Variants in PCDHGB3 observed in about 807,000 individuals in gnomAD.
PCDHGB3 encodes the protein protocadherin gamma-B3.
A neutral mutation model predicts 59.2 loss-of-function variants in PCDHGB3; 40 were observed. That is an observed-to-expected ratio of 0.68 (90% CI 0.52 to 0.88). The LOEUF is 0.88. Among genes scored for constraint, PCDHGB3 ranks in the 40% least tolerant of loss-of-function variants. The probability of loss-of-function intolerance (pLI) is 0.00; values close to 1 mark genes in which losing one functional copy is unlikely to be tolerated. For missense variants in PCDHGB3, 1,309 were observed against 1,187.9 expected, an observed-to-expected ratio of 1.10 and a Z score of -1.50; for synonymous variants, 581 against 503.6, an observed-to-expected ratio of 1.15 and a Z score of -2.06.
rs773471969 is a variant in PCDHGB3, at chr5:141,422,101, A to G, written c.2415+49292A>G. 11 of 1,610,046 alleles carry G rather than the reference A, an allele frequency of 6.8e-6. No individual in the cohort carries two copies. The highest frequency in any genetic ancestry group is 4.5e-5 in the East Asian group (2 of 44,870). ...GAACATGGAAAGCAAGGCTTCTGAA[A>G]TATTCCAATTGGATTCACAAACTGG... On this transcript the variant is annotated intron_variant, in intron 1 of 3. Coordinates refer to ENST00000576222, the MANE Select transcript of PCDHGB3 (RefSeq NM_018924.5).
chr5:141,494,845 C>G lies in PCDHGB3; in HGVS notation c.2454C>G (p.Ala818=), dbSNP rs747484430. The part of the protein sequence containing the change: ...PPNTDWRFSQ[A]QRPGTSGSQN... Reference sequence around the variant, plus strand: ...ACACGGACTGGCGTTTCTCTCAGGCCCAGAGACCCGGCACCAGCGGGTAGG... The same window carrying G: ...ACACGGACTGGCGTTTCTCTCAGGCGCAGAGACCCGGCACCAGCGGGTAGG... The change falls in exon 2 of 4, where the codon GCC becomes GCG. Residue 818 remains alanine, a synonymous_variant. Transcript: ENST00000576222. 1.2e-6 allele frequency: 2 copies of G among 1,614,144 alleles called. No individual in the cohort carries two copies. The highest frequency in any genetic ancestry group is 1.7e-6 in the Non-Finnish European group (2 of 1,180,028).
intron 1 of PCDHGB3, chr5:141,389,851 CCA>C (rs2091943018): frequency 6.2e-7 from 1 of 1,613,936 alleles, no homozygotes; most frequent in Non-Finnish European, 8.5e-7. Context: ...TCGGCCACTG[CCA>C]CGTTGCACCT....
At position 141,408,728 on chromosome 5, in the gene PCDHGB3, C is replaced by T. The variant is rs371316574; in HGVS notation, c.2415+35919C>T. ...TAAAGATTATAAGATAAACTCTAAT[C>T]CTTATTTTTCATTAATGGTTAGAGT... On this transcript the variant is annotated intron_variant, in intron 1 of 3. Transcript: ENST00000576222. 6.2e-7 allele frequency: 1 copy of T among 1,610,292 alleles called. No homozygotes were observed. Among genetic ancestry groups the T allele is most frequent in the African/African-American group, 1.3e-5 (1 of 74,802 alleles).
At chr5:141,454,796 ATTTTTTTTTTTT>A (rs61612330) in intron 1 of PCDHGB3, among the ~76,000 whole-genome samples, 76 of 77,462 alleles carry the variant, frequency 9.8e-4, no homozygotes, top group African/African-American at 3.9e-3. Flanking sequence ...CATGGTTCTA[ATTTTTTTTTTTT>A]TTTTTTTTTT....
chr5:141,421,395 G>A (rs2096569109), intron 1 of PCDHGB3: 1 of 1,613,950 alleles, frequency 6.2e-7, no homozygotes, highest in Admixed American at 1.7e-5. Flanking sequence ...TGGGGCTGGA[G>A]CCCCGGGAGC....
chr5:141,376,302 T>G, intron 1 of PCDHGB3: 2 of 1,614,166 alleles, frequency 1.2e-6, no homozygotes, highest in Non-Finnish European at 1.7e-6. Context: ...GGCTCGCACT[T>G]TGTGGGCGTG....
At chr5:141,433,358 C>CCTAA (rs1554125965) in intron 1 of PCDHGB3, 1 of 503,368 alleles carries the variant, frequency 2.0e-6, no homozygotes, top group Non-Finnish European at 3.5e-6. Flanking sequence ...CTACTGTCTG[C>CCTAA]CTATCTATCT....
chr5:141,413,699 A>T (rs2095668539), intron 1 of PCDHGB3: 2 of 1,613,762 alleles, frequency 1.2e-6, no homozygotes, highest in East Asian at 4.5e-5. Context: ...CAGAGCTATC[A>T]GCTCAGCCCC....
chr5:141,399,658 T>G (rs766038311), intron 1 of PCDHGB3: 22 of 1,613,572 alleles, frequency 1.4e-5, no homozygotes, highest in South Asian at 4.4e-5. Flanking sequence ...TGGGGTGGTG[T>G]TCGCGCAGCG....
intron 1 of PCDHGB3, among the ~76,000 whole-genome samples, chr5:141,452,578 C>T (rs2098744735): frequency 6.6e-6 from 1 of 152,150 alleles, no homozygotes; most frequent in African/African-American, 2.4e-5. Flanking sequence ...TCCCCCTTTC[C>T]ATCTTTGTAT....
At chr5:141,414,363 T>C in intron 1 of PCDHGB3, 3 of 1,613,910 alleles carry the variant, frequency 1.9e-6, no homozygotes, top group Non-Finnish European at 1.7e-6. Context: ...ATCTACCATT[T>C]AAATTAGAAA....
intron 1 of PCDHGB3, among the ~76,000 whole-genome samples, chr5:141,446,802 G>T (rs2098516342): frequency 6.6e-6 from 1 of 152,130 alleles, no homozygotes; most frequent in South Asian, 2.1e-4. Flanking sequence ...CTTCCATTGT[G>T]ATCATCTAGT....
In PCDHGB3 at chr5:141,485,848, C is replaced by T; in HGVS notation, c.2416-8959C>T. On this transcript the variant is annotated intron_variant, in intron 1 of 3. Coordinates refer to ENST00000576222, the MANE Select transcript of PCDHGB3 (RefSeq NM_018924.5). This position sits in a 1 kb window ranked among gnomAD's most constrained non-coding sequence, Gnocchi z 5.7. ...GAGGGAACCCGCCGAGATCTGGCAC[C>T]GCAGAGCTCCGGGTATCCGTGCTGG... The T allele has an allele frequency of 1.2e-6, 2 of 1,614,194 alleles. No homozygotes were observed. Among genetic ancestry groups the T allele is most frequent in the South Asian group, 2.2e-5 (2 of 91,080 alleles).
At position 141,502,665 on chromosome 5, in the gene PCDHGB3, A is replaced by G. The variant is rs192555506; in HGVS notation, c.2475-2728A>G. The stretch of plus-strand genomic sequence containing the variant: ...GAGATAGGCAGCAACCCTTCATGCA[A>G]TTTTAGTATTCCCTGATGATCCTTG... On this transcript the variant is annotated intron_variant, in intron 2 of 3. Transcript: ENST00000576222. 3.7e-3 allele frequency among the ~76,000 whole-genome samples: 568 copies of G among 152,330 alleles called. 1 individual carries two copies. Among genetic ancestry groups the G allele is most frequent in the African/African-American group, 0.013 (544 of 41,584 alleles).
At chr5:141,426,779 T>G in intron 1 of PCDHGB3, 6 of 456,698 alleles carry the variant, frequency 1.3e-5, no homozygotes, top group Non-Finnish European at 1.8e-5. Context: ...GGCCTCACTC[T>G]CTCCAGAGTT....
chr5:141,505,287 TG>T, intron 2 of PCDHGB3, 105 bp from the exon 3 acceptor site: 1 of 1,550,864 alleles, frequency 6.4e-7, no homozygotes, highest in Middle Eastern at 2.1e-4. Context: ...GTCTTGGGCA[TG>T]GGGTAGGGTT....
At position 141,491,700 on chromosome 5, in the gene PCDHGB3, G is replaced by A. The variant is rs1199177466; in HGVS notation, c.2416-3107G>A. 3.1e-6 allele frequency: 5 copies of A among 1,611,830 alleles called. No homozygotes were observed. The highest frequency in any genetic ancestry group is 4.2e-6 in the Non-Finnish European group (5 of 1,179,142). On this transcript the variant is annotated intron_variant, in intron 1 of 3. Coordinates refer to ENST00000576222, the MANE Select transcript of PCDHGB3 (RefSeq NM_018924.5). The surrounding 1 kb of genome is among the most constrained non-coding windows in gnomAD (Gnocchi z 6.9). ...CTAATACGCTGCGGGAGCGGAGCCA[G>A]GTGAGGGGCTCGGCGCCGCCCCGGG...
chr5:141,419,138 A>C, intron 1 of PCDHGB3: 1 of 1,613,920 alleles, frequency 6.2e-7, no homozygotes, highest in Non-Finnish European at 8.5e-7. Context: ...AGCCACAGAC[A>C]GGGGCAAGCC....
At chr5:141,415,614 G>A (rs1476229913) in intron 1 of PCDHGB3, 1 of 1,612,128 alleles carries the variant, frequency 6.2e-7, no homozygotes, top group Admixed American at 1.7e-5. Flanking sequence ...TGGTTCCAGT[G>A]AGTTTTATTT....
Sources: gnomAD v4.1 joint callset for allele counts (sites outside exome capture counted in the v4.1 genomes callset) on GRCh38, gnomAD v4.1.1 for gene constraint, Gnocchi (gnomAD v3.1) non-coding constraint, MANE v1.5 for transcripts, NCBI Gene and HGNC (gene_info 2026-07-23, HGNC 2026-07-21) for gene names.